CEP164: variants seen among roughly 807,000 people sequenced by gnomAD.
The protein encoded by CEP164 is centrosomal protein of 164 kDa.
In CEP164, 162 loss-of-function variants were observed where a neutral mutation model predicts 182.7. The observed-to-expected ratio is 0.89, with a 90% CI of 0.78 to 1.01. The LOEUF (loss-of-function observed/expected upper bound fraction) is 1.01, where lower values mean the gene tolerates loss of function less well. Ranked by LOEUF, CEP164 falls within the 50% of genes least tolerant of loss-of-function variation. The pLI is 0.00. For missense variants in CEP164, 1,735 were observed against 1,790.4 expected, an observed-to-expected ratio of 0.97 and a Z score of 0.56; for synonymous variants, 661 against 690.0, an observed-to-expected ratio of 0.96 and a Z score of 0.66.
At chr11:117,368,911 G>T (rs909949023) in intron 8 of CEP164, among the ~76,000 whole-genome samples, 2 of 152,186 alleles carry the variant, frequency 1.3e-5, no homozygotes, top group African/African-American at 4.8e-5. Context: ...TGCTGCCAAG[G>T]CGTGAGCTTC....
chr11:117,382,700 G>T, intron 13 of CEP164, 96 bp from the exon 14 acceptor site: 1 of 1,430,970 alleles, frequency 7.0e-7, no homozygotes, highest in Non-Finnish European at 9.5e-7. Context: ...TGTCTCTCTT[G>T]TCTCTGTCAT....
intron 27 of CEP164, among the ~76,000 whole-genome samples, chr11:117,398,382 A>C (rs1375212747): frequency 6.6e-6 from 1 of 152,178 alleles, no homozygotes; most frequent in Non-Finnish European, 1.5e-5. Context: ...GCATAGTGCA[A>C]GCTATTGACG....
chr11:117,356,183 C>A, intron 5 of CEP164: 1 of 1,063,082 alleles, frequency 9.4e-7, no homozygotes, highest in Non-Finnish European at 1.1e-6. Flanking sequence ...TCACATGTCC[C>A]ACATGCAGAG....
At chr11:117,390,104 G>A (rs567310861) in intron 15 of CEP164, among the ~76,000 whole-genome samples, 32 of 151,918 alleles carry the variant, frequency 2.1e-4, no homozygotes, top group African/African-American at 6.0e-4. Flanking sequence ...CACCATGCCC[G>A]GCTAATTTTT....
chr11:117,345,966 C>T (rs548814083), intron 4 of CEP164, among the ~76,000 whole-genome samples: 2 of 152,278 alleles, frequency 1.3e-5, no homozygotes, highest in South Asian at 2.1e-4. Context: ...GCATTACAGG[C>T]GTGAGAGCCC....
intron 11 of CEP164, among the ~76,000 whole-genome samples, chr11:117,379,001 G>A (rs1489917941): frequency 6.6e-6 from 1 of 152,190 alleles, no homozygotes; most frequent in African/African-American, 2.4e-5. Context: ...GTTAAATGGA[G>A]TGGGCCTGTC....
chr11:117,387,134 T>C (rs1382175146), intron 14 of CEP164, 69 bp from the exon 15 acceptor site: 1 of 1,377,058 alleles, frequency 7.3e-7, no homozygotes, highest in East Asian at 2.3e-5. Flanking sequence ...TCCGTATCCA[T>C]TCTAACCTGG....
rs1330923753 is a variant in CEP164 at position 117,372,922 on chromosome 11, T to A, written c.1153-829T>A. On this transcript the variant is annotated intron_variant, in intron 9 of 32. Coordinates refer to ENST00000278935, the MANE Select transcript of CEP164 (RefSeq NM_014956.5). ...CATTTTTGTGGCTTTTTCTGAATGA[T>A]CCCAAGACATGGGAGTGGTTGCTTT... Among the ~76,000 whole-genome samples the A allele has an allele frequency of 3.3e-5, 5 of 152,320 alleles. No homozygotes were observed. In the East Asian group the frequency reaches 9.6e-4, roughly 29 times the overall value.
In CEP164 at chr11:117,344,245, C is replaced by T. The variant is rs144777570; in HGVS notation, c.162C>T (p.Ile54=). The T allele has an allele frequency of 8.7e-6, 14 of 1,613,074 alleles. No homozygotes were observed. The highest frequency in any genetic ancestry group is 1.7e-5 in the Admixed American group (1 of 59,898). The change falls in exon 4 of 33, where the codon ATC becomes ATT. Residue 54 remains isoleucine (I), a synonymous_variant. Transcript: ENST00000278935. The stretch of plus-strand genomic sequence containing the variant: ...TGATGTGGCTGGCGCGAGAGGGCAT[C>T]GTGGCCCCACTGCCTGGAGAGTGGA... ...PELMWLAREG[I]VAPLPGEWKP... is the part of the protein sequence containing the mutation.
intron 11 of CEP164, among the ~76,000 whole-genome samples, 199 bp from the exon 12 acceptor site, chr11:117,380,415 G>A (rs1238410598): frequency 2.0e-5 from 3 of 152,160 alleles, no homozygotes; most frequent in Non-Finnish European, 4.4e-5. Flanking sequence ...CTGACCCAGG[G>A]AGCAGCTGTG....
Position 117,351,978 on chromosome 11 carries a change from A to G in CEP164, c.383A>G (p.Lys128Arg), listed in dbSNP as rs747723451. 3.8e-6 allele frequency: 6 copies of G among 1,577,208 alleles called. No individual in the cohort carries two copies. The highest frequency in any genetic ancestry group is 4.6e-5 in the East Asian group (2 of 43,098). Residue 128 changes from lysine to arginine, a missense_variant, in exon 5 of 33, where the codon AAA becomes AGA. Lys to Arg is a conservative substitution (Grantham distance 26). Transcript: ENST00000278935. ...KKDKKDRDPPKSSLALGSSLA... is the reference protein window; with the variant it reads ...KKDKKDRDPPRSSLALGSSLA... ...GACAAGAAGGACAGAGACCCCCCCA[A>G]AAGTTCGCTGGTGAGTCAGTGGATG...
At chr11:117,348,725 C>T (rs1344944990) in intron 4 of CEP164, among the ~76,000 whole-genome samples, 1 of 152,180 alleles carries the variant, frequency 6.6e-6, no homozygotes, top group Admixed American at 6.5e-5. Flanking sequence ...ATGGCTATCA[C>T]TACCATCCAT....
At chr11:117,362,268 G>A (rs2041079657) in intron 6 of CEP164, 136 bp from the exon 7 acceptor site, 5 of 970,256 alleles carry the variant, frequency 5.2e-6, no homozygotes, top group Non-Finnish European at 1.5e-6. Flanking sequence ...GTGAGCTGCA[G>A]TCGCCAGGTC....
intron 8 of CEP164, among the ~76,000 whole-genome samples, chr11:117,365,818 G>T (rs561947549): frequency 9.2e-5 from 14 of 152,170 alleles, no homozygotes; most frequent in Non-Finnish European, 1.6e-4. Context: ...GACCTCAGGT[G>T]ATCTGCACGC....
upstream of CEP164, among the ~76,000 whole-genome samples, chr11:117,327,040 C>T (rs1204511012): frequency 3.9e-5 from 6 of 152,222 alleles, no homozygotes; most frequent in Non-Finnish European, 7.3e-5. Flanking sequence ...AGGAGCTACA[C>T]ATTGTGTCAC....
upstream of CEP164, among the ~76,000 whole-genome samples, chr11:117,327,459 CTTT>C (rs760601571): frequency 2.0e-4 from 24 of 122,614 alleles, no homozygotes; most frequent in Middle Eastern, 4.6e-3. Flanking sequence ...TCGGGGTCCT[CTTT>C]TTTTTTTTTT....
rs148550882 is a variant in CEP164, at chr11:117,344,352, G to A, written c.194+75G>A. 7,618 of 980,834 alleles carry A rather than the reference G, an allele frequency of 7.8e-3. 462 individuals are homozygous for A. In the Admixed American group the frequency reaches 0.12, roughly 15 times the overall value. 60.8% of individuals were successfully genotyped at this position (980,834 alleles called of 1,614,324 possible). A position where few individuals can be genotyped will look rare whatever the true frequency, so the allele number is the denominator to read the frequency against. ...GGAAGCTAATACTGGAGATCGGTTT[G>A]AACTGGCCAGCTTTTCCAAGCCTAT... is the stretch of plus-strand genomic sequence containing the variant. On this transcript the variant is annotated intron_variant, in intron 4 of 32. Transcript: ENST00000278935.
upstream of CEP164, among the ~76,000 whole-genome samples, chr11:117,326,352 C>T (rs1020844130): frequency 2.6e-5 from 4 of 152,162 alleles, no homozygotes; most frequent in Admixed American, 2.6e-4. Context: ...CCTGCCTCAG[C>T]CTCCTGAGCA....
intron 8 of CEP164, among the ~76,000 whole-genome samples, chr11:117,364,987 G>A (rs1461634527): frequency 6.6e-6 from 1 of 152,104 alleles, no homozygotes; most frequent in Admixed American, 6.6e-5. Flanking sequence ...TTCTGAGTGG[G>A]GCCTAGTCTG....
Sources: allele counts gnomAD v4.1 joint callset (sites outside exome capture counted in the v4.1 genomes callset), GRCh38; gene constraint gnomAD v4.1.1; transcripts MANE v1.5; gene names NCBI Gene and HGNC (gene_info 2026-07-23, HGNC 2026-07-21).